Variants in AGPAT5 observed in about 807,000 individuals in gnomAD.
AGPAT5 encodes the protein 1-acyl-sn-glycerol-3-phosphate acyltransferase epsilon.
AGPAT5 carries 46 observed loss-of-function variants against 45.6 expected under a neutral mutation model. The ratio of observed to expected loss-of-function variants is 1.01; its 90% confidence interval spans 0.80 to 1.29. The LOEUF (loss-of-function observed/expected upper bound fraction) is 1.29. AGPAT5 is among the 50% of genes most tolerant of loss of function. The pLI is 0.00. For missense variants in AGPAT5, 673 were observed against 450.7 expected, an observed-to-expected ratio of 1.49 and a Z score of -4.47; for synonymous variants, 272 against 167.0, an observed-to-expected ratio of 1.63 and a Z score of -4.85.
intron 4 of AGPAT5, among the ~76,000 whole-genome samples, chr8:6,739,031 A>G (rs1011906624): frequency 6.6e-6 from 1 of 152,182 alleles, no homozygotes. Flanking sequence ...TTTTTAATAT[A>G]GGTAACCATC....
In AGPAT5 at chr8:6,736,248, T is replaced by A. The variant is rs1249774850; in HGVS notation, c.495+3598T>A. Among the ~76,000 whole-genome samples, 3 of 152,256 alleles carry A rather than the reference T, an allele frequency of 2.0e-5. No homozygotes were observed. The South Asian group carries it at 6.2e-4, about 32-fold the overall frequency. Reference sequence around the variant, plus strand: ...ATAAACATTGGTACCACACTATTAATTGTACTACAGATTTTTATTCAGACT... The same window carrying A: ...ATAAACATTGGTACCACACTATTAAATGTACTACAGATTTTTATTCAGACT... On this transcript the variant is annotated intron_variant, in intron 4 of 7. Coordinates refer to ENST00000285518, the MANE Select transcript of AGPAT5 (RefSeq NM_018361.5).
rs202152371 is a variant in AGPAT5 at position 6,755,161 on chromosome 8, G to A, written c.856G>A (p.Glu286Lys). 3.4e-5 allele frequency: 55 copies of A among 1,597,772 alleles called. No homozygotes were observed. The highest frequency in any genetic ancestry group is 1.8e-4 in the East Asian group (8 of 44,278). The part of the protein sequence containing the change: ...HMRRWLHERF[E>K]IKDKMLIEFY... ...GAGAAGATGGCTGCATGAACGTTTC[G>A]AAATCAAAGATAAGTGAGTAACAAC... Residue 286 changes from glutamate (E) to lysine (K), a missense_variant, in exon 7 of 8, where the codon GAA becomes AAA. Transcript: ENST00000285518.
At chr8:6,744,858 C>T (rs1020970581) in intron 5 of AGPAT5, among the ~76,000 whole-genome samples, 1 of 152,212 alleles carries the variant, frequency 6.6e-6, no homozygotes, top group African/African-American at 2.4e-5. Flanking sequence ...CCTGCCTTTC[C>T]TCAGCCCTTG....
intron 1 of AGPAT5, chr8:6,709,472 T>C (rs1002160612): frequency 6.5e-6 from 1 of 152,884 alleles, no homozygotes; most frequent in African/African-American, 2.4e-5. Flanking sequence ...TGTTACTGTT[T>C]CTCTGTAGAG....
At chr8:6,749,286 C>T (rs188937440) in intron 6 of AGPAT5, among the ~76,000 whole-genome samples, 1 of 152,038 alleles carries the variant, frequency 6.6e-6, no homozygotes, top group East Asian at 1.9e-4. Context: ...GAGTGAGGCC[C>T]AGGGGCTAGC....
At chr8:6,732,009 C>A (rs1331204120) in intron 3 of AGPAT5, among the ~76,000 whole-genome samples, 5 of 152,206 alleles carry the variant, frequency 3.3e-5, no homozygotes, top group Admixed American at 3.3e-4. Flanking sequence ...ACTCTGAGGC[C>A]CTTTTTTAAC....
chr8:6,723,845 T>C (rs1396531248), intron 1 of AGPAT5, among the ~76,000 whole-genome samples: 1 of 152,238 alleles, frequency 6.6e-6, no homozygotes, highest in Non-Finnish European at 1.5e-5. Context: ...CCTTTCTTTC[T>C]TCTCTTTTTA....
chr8:6,732,835 T>C (rs1010923172), intron 4 of AGPAT5, among the ~76,000 whole-genome samples, 185 bp downstream of exon 4: 9 of 152,220 alleles, frequency 5.9e-5, no homozygotes, highest in African/African-American at 2.2e-4. Flanking sequence ...ATCAGAAAGA[T>C]TGCTGTAAAC....
At chr8:6,746,312 A>T (rs1373254457) in intron 5 of AGPAT5, 1 of 152,108 alleles carries the variant, frequency 6.6e-6, no homozygotes, top group Non-Finnish European at 1.5e-5. Flanking sequence ...GTGTGGCTTT[A>T]TCTACGCGTT....
Position 6,708,944 on chromosome 8 carries a change from A to T in AGPAT5, c.219+57A>T, listed in dbSNP as rs773041597. 5 of 1,502,250 alleles carry T rather than the reference A, an allele frequency of 3.3e-6. No homozygotes were observed. In the East Asian group the frequency reaches 1.2e-4, roughly 37 times the overall value. 93.1% of individuals were successfully genotyped at this position (1,502,250 alleles called of 1,614,324 possible). ...TCCACCCGAGCTCCCGGGGGCGCGG[A>T]CCTCTCCGCTCCCCCACAGCTGGCG... On this transcript the variant is annotated intron_variant, in intron 1 of 7. Coordinates refer to ENST00000285518, the MANE Select transcript of AGPAT5 (RefSeq NM_018361.5).
At chr8:6,726,554 G>C (rs531290110) in intron 2 of AGPAT5, among the ~76,000 whole-genome samples, 1 of 152,110 alleles carries the variant, frequency 6.6e-6, no homozygotes, top group African/African-American at 2.4e-5. Context: ...CACTAGTACT[G>C]TTAATTTGTG....
At chr8:6,729,972 A>G (rs2116894700) in intron 2 of AGPAT5, among the ~76,000 whole-genome samples, 1 of 152,310 alleles carries the variant, frequency 6.6e-6, no homozygotes, top group African/African-American at 2.4e-5. Flanking sequence ...CGAGTCCTAA[A>G]AACTCATTAG....
Position 6,759,453 on chromosome 8 carries a change from C to G in AGPAT5, c.*2065C>G, listed in dbSNP as rs892886708. On this transcript the variant is annotated 3_prime_UTR_variant, in exon 8 of 8. Coordinates refer to ENST00000285518, the MANE Select transcript of AGPAT5 (RefSeq NM_018361.5). The stretch of plus-strand genomic sequence containing the variant: ...TCTCCTTAACCTGTATTGATACTGA[C>G]TTGAATTATTTTCTAAAATTAAGAG... 5.3e-5 allele frequency: 8 copies of G among 152,118 alleles called. No homozygotes were observed. Among genetic ancestry groups the G allele is most frequent in the African/African-American group, 1.9e-4 (8 of 41,438 alleles). The allele number at this position is 152,118 out of a possible 1,614,324, so 9.4% of individuals were successfully genotyped here.
At chr8:6,735,546 C>A (rs926769328) in intron 4 of AGPAT5, among the ~76,000 whole-genome samples, 1 of 152,144 alleles carries the variant, frequency 6.6e-6, no homozygotes, top group African/African-American at 2.4e-5. Context: ...TACATTGGCC[C>A]CCAACTAAAC....
At chr8:6,727,379 A>T (rs1203890893) in intron 2 of AGPAT5, among the ~76,000 whole-genome samples, 1 of 146,604 alleles carries the variant, frequency 6.8e-6, no homozygotes, top group Non-Finnish European at 1.5e-5. Context: ...ACTTTTGACA[A>T]CACTTTGCCT....
At chr8:6,722,389 A>T (rs1295186212) in intron 1 of AGPAT5, among the ~76,000 whole-genome samples, 1 of 152,186 alleles carries the variant, frequency 6.6e-6, no homozygotes, top group East Asian at 1.9e-4. Context: ...ATACTTAACA[A>T]CAGCAAAAGT....
At chr8:6,748,690 A>G (rs938984486) in intron 6 of AGPAT5, among the ~76,000 whole-genome samples, 2 of 152,126 alleles carry the variant, frequency 1.3e-5, no homozygotes, top group Non-Finnish European at 2.9e-5. Context: ...TTTTTAGTAG[A>G]TATGCGATTT....
intron 1 of AGPAT5, among the ~76,000 whole-genome samples, chr8:6,721,115 A>G (rs1159932519): frequency 6.6e-6 from 1 of 152,206 alleles, no homozygotes; most frequent in South Asian, 2.1e-4. Context: ...TGCTATTTTG[A>G]TCTTATTTCA....
chr8:6,754,504 C>G (rs1230268851), intron 6 of AGPAT5, among the ~76,000 whole-genome samples: 1 of 152,148 alleles, frequency 6.6e-6, no homozygotes, highest in African/African-American at 2.4e-5. Context: ...TGTCAGGCGA[C>G]AAGCAAAGTT....
Sources: allele counts gnomAD v4.1 joint callset (sites outside exome capture counted in the v4.1 genomes callset), GRCh38; gene constraint gnomAD v4.1.1; transcripts MANE v1.5; gene names NCBI Gene and HGNC (gene_info 2026-07-23, HGNC 2026-07-21).